MAGI2: variants seen among roughly 807,000 people sequenced by gnomAD.
MAGI2 encodes the protein membrane associated guanylate kinase, WW and PDZ domain containing 2.
MAGI2 carries 35 observed loss-of-function variants against 133.3 expected under a neutral mutation model. The observed-to-expected ratio is 0.26, with a 90% CI of 0.20 to 0.35. The LOEUF is 0.35. Ranked by LOEUF, MAGI2 falls within the 10% of genes least tolerant of loss-of-function variation. MAGI2 has a pLI of 1.00. For missense variants in MAGI2, 1,636 were observed against 1,863.4 expected (o/e 0.88, Z 2.25); for synonymous variants, 729 against 710.6 (o/e 1.03, Z -0.41).
At chr7:78,030,675 T>C (rs959169712) in intron 21 of MAGI2, among the ~76,000 whole-genome samples, 1 of 152,154 alleles carries the variant, frequency 6.6e-6, no homozygotes, top group Non-Finnish European at 1.5e-5. Context: ...AAAACTACAA[T>C]GAGATACCAC....
rs536458958 is a variant in MAGI2 at position 78,532,555 on chromosome 7, A to T, written c.539-10910T>A. Among the ~76,000 whole-genome samples, 5 of 152,322 alleles carry T rather than the reference A, an allele frequency of 3.3e-5. No individual in the cohort carries two copies. In the East Asian group the frequency reaches 9.7e-4, roughly 29 times the overall value. The stretch of plus-strand genomic sequence containing the variant: ...CTTTGTGGAAGGTCATATATAAAGC[A>T]CTTCGACTTTATATTTTAGTCTATG... On this transcript the variant is annotated intron_variant, in intron 3 of 21. Transcript: ENST00000354212.
At chr7:79,091,878 A>G (rs1464565125) in intron 1 of MAGI2, among the ~76,000 whole-genome samples, 1 of 152,026 alleles carries the variant, frequency 6.6e-6, no homozygotes, top group Non-Finnish European at 1.5e-5. Flanking sequence ...CCAACCATTT[A>G]AAAATGTGAA....
intron 1 of MAGI2, among the ~76,000 whole-genome samples, chr7:79,071,038 A>T (rs1814910320): frequency 6.6e-6 from 1 of 151,990 alleles, no homozygotes; most frequent in African/African-American, 2.4e-5. Context: ...TGGTTTTTGG[A>T]GTTTTCAGCC....
intron 1 of MAGI2, among the ~76,000 whole-genome samples, chr7:79,255,674 G>A (rs553583808): frequency 1.2e-3 from 179 of 152,212 alleles, no homozygotes; most frequent in African/African-American, 4.1e-3. Flanking sequence ...TGTGGAAATC[G>A]AAGAATATTA....
rs79712715 is a variant in MAGI2 at position 78,145,760 on chromosome 7, C to G, written c.2846-10554G>C. Among the ~76,000 whole-genome samples, 720 of 152,298 alleles carry G rather than the reference C, an allele frequency of 4.7e-3. 11 individuals carry two copies. Among genetic ancestry groups the G allele is most frequent in the African/African-American group, 9.5e-3 (396 of 41,576 alleles). ...CCCAGTCTGTGGTATTCCACTATAA[C>G]AGCACAAAGTGGACTAAGATGGCTA... On this transcript the variant is annotated intron_variant, in intron 16 of 21. Transcript: ENST00000354212.
intron 11 of MAGI2, among the ~76,000 whole-genome samples, chr7:78,200,959 A>G (rs1346302259): frequency 6.6e-6 from 1 of 152,184 alleles, no homozygotes; most frequent in African/African-American, 2.4e-5. Context: ...AAAGGGCAGA[A>G]TTGTTTTTAT....
chr7:79,422,107 CTT>C (rs1404516648), intron 1 of MAGI2, among the ~76,000 whole-genome samples: 1 of 151,992 alleles, frequency 6.6e-6, no homozygotes, highest in Non-Finnish European at 1.5e-5. Context: ...AAGAAAATGA[CTT>C]TGGTCAATTC....
intron 1 of MAGI2, among the ~76,000 whole-genome samples, chr7:79,073,079 C>A (rs1196400597): frequency 1.3e-5 from 2 of 152,038 alleles, no homozygotes; most frequent in African/African-American, 4.8e-5. Context: ...AAGAGAGATG[C>A]TGTATAAAAA....
chr7:78,883,677 G>A (rs948204355), intron 2 of MAGI2, among the ~76,000 whole-genome samples: 4 of 151,854 alleles, frequency 2.6e-5, no homozygotes, highest in Non-Finnish European at 5.9e-5. Flanking sequence ...CAGACAACAC[G>A]GGCCTGTGGA....
At chr7:79,247,854 AACAT>A (rs1563042605) in intron 1 of MAGI2, among the ~76,000 whole-genome samples, 1 of 152,160 alleles carries the variant, frequency 6.6e-6, no homozygotes, top group Non-Finnish European at 1.5e-5. Context: ...CAAATCAAAA[AACAT>A]ACAACAGATA....
intron 2 of MAGI2, among the ~76,000 whole-genome samples, chr7:78,635,911 A>G (rs562500207): frequency 6.6e-6 from 1 of 152,358 alleles, no homozygotes; most frequent in African/African-American, 2.4e-5. Flanking sequence ...TCAATCACAT[A>G]AAATCCCAAA....
intron 6 of MAGI2, among the ~76,000 whole-genome samples, chr7:78,452,410 T>C (rs992155715): frequency 9.9e-5 from 15 of 152,158 alleles, no homozygotes; most frequent in Admixed American, 6.6e-4. Flanking sequence ...AGACAGGCTA[T>C]TATTAATAGC....
intron 3 of MAGI2, among the ~76,000 whole-genome samples, chr7:78,613,270 T>G (rs1806671855): frequency 6.6e-6 from 1 of 152,222 alleles, no homozygotes; most frequent in African/African-American, 2.4e-5. Context: ...CAGTGTAGCT[T>G]CTCTTACAGG....
At chr7:78,415,846 T>C (rs1798249714) in intron 6 of MAGI2, among the ~76,000 whole-genome samples, 1 of 152,180 alleles carries the variant, frequency 6.6e-6, no homozygotes. Context: ...AAGTGAATTT[T>C]AAATGCTGTT....
chr7:78,623,196 G>A (rs1807931945), intron 3 of MAGI2, among the ~76,000 whole-genome samples: 1 of 151,926 alleles, frequency 6.6e-6, no homozygotes, highest in African/African-American at 2.4e-5. Flanking sequence ...AATCAGTTTA[G>A]AGAGTCTTTA....
chr7:79,070,723 C>T (rs553650264), intron 1 of MAGI2, among the ~76,000 whole-genome samples: 176 of 152,046 alleles, frequency 1.2e-3, no homozygotes, highest in African/African-American at 4.0e-3. Context: ...GAGCTCCTGA[C>T]CTTGTGATCC....
chr7:78,495,469 T>C (rs1461626032), intron 5 of MAGI2, among the ~76,000 whole-genome samples: 1 of 152,220 alleles, frequency 6.6e-6, no homozygotes, highest in Non-Finnish European at 1.5e-5. Context: ...AGGATGATTG[T>C]AACATTTTCC....
chr7:78,452,431 T>G (rs546610870), intron 6 of MAGI2, among the ~76,000 whole-genome samples: 2 of 152,072 alleles, frequency 1.3e-5, no homozygotes, highest in African/African-American at 2.4e-5. Flanking sequence ...ACTAAAATTA[T>G]GCTTATGATT....
chr7:78,558,089 G>A (rs890924051), intron 3 of MAGI2, among the ~76,000 whole-genome samples: 30 of 152,136 alleles, frequency 2.0e-4, no homozygotes, highest in African/African-American at 5.5e-4. Flanking sequence ...ATCATGGTGT[G>A]TGATAAATCC....
Sources: gnomAD v4.1 joint callset for allele counts (sites outside exome capture counted in the v4.1 genomes callset) on GRCh38, gnomAD v4.1.1 for gene constraint, MANE v1.5 for transcripts, NCBI Gene and HGNC (gene_info 2026-07-23, HGNC 2026-07-21) for gene names.